RWDD2B: variants seen among roughly 807,000 people sequenced by gnomAD.
RWDD2B encodes RWD domain containing 2B, also known as RWD domain-containing protein 2B.
RWDD2B carries 36 observed loss-of-function variants against 33.6 expected under a neutral mutation model. The observed-to-expected ratio is 1.07, with a 90% CI of 0.82 to 1.42. RWDD2B has a LOEUF of 1.42. Ranked by LOEUF, RWDD2B falls within the 40% of genes most tolerant of loss-of-function variation. The pLI, the probability that RWDD2B is intolerant of heterozygous loss-of-function variation, is 0.00. For missense variants in RWDD2B, 364 were observed against 377.5 expected (o/e 0.96, Z 0.30); for synonymous variants, 126 against 133.1 (o/e 0.95, Z 0.37).
intron 1 of RWDD2B, among the ~76,000 whole-genome samples, chr21:29,013,485 C>G (rs977077021): frequency 1.3e-5 from 2 of 151,816 alleles, no homozygotes; most frequent in Non-Finnish European, 2.9e-5. Flanking sequence ...GTCAGGAGAT[C>G]CAGACCATCC....
Position 29,019,282 on chromosome 21 carries a change from A to G in RWDD2B, c.-5T>C. 1 of 1,599,938 alleles carries G rather than the reference A, an allele frequency of 6.3e-7. No individual in the cohort carries two copies. Among genetic ancestry groups the G allele is most frequent in the Non-Finnish European group, 8.5e-7 (1 of 1,173,564 alleles). Reference sequence around the variant, plus strand: ...CATGGACAGCTCAATTTTCATCAGAAGGGAGCCTCAAAATTCTAGCATACT... The same window carrying G: ...CATGGACAGCTCAATTTTCATCAGAGGGGAGCCTCAAAATTCTAGCATACT... On this transcript the variant is annotated 5_prime_UTR_variant, in exon 1 of 5. Coordinates refer to ENST00000493196, the MANE Select transcript of RWDD2B (RefSeq NM_016940.3).
chr21:29,008,320 A>C lies in RWDD2B; in HGVS notation c.295-13T>G. 6.2e-7 allele frequency: 1 copy of C among 1,613,990 alleles called. No individual in the cohort carries two copies. On this transcript the variant is annotated splice_polypyrimidine_tract_variant and intron_variant, in intron 2 of 4. Transcript: ENST00000493196. Reference sequence around the variant, plus strand: ...GAGAAAACATCGCCTGATTAAAGAGAAGAAGAAAAAGTGCACTAACCAATG... The same window carrying C: ...GAGAAAACATCGCCTGATTAAAGAGCAGAAGAAAAAGTGCACTAACCAATG...
At position 29,006,422 on chromosome 21, in the gene RWDD2B, G is replaced by T; in HGVS notation, c.955C>A (p.Gln319Lys). ...ACTTTCAACTACTCTTGATGTCATTGTCCTTCTACACCAAAGAACATCTGG... is the reference window on the plus strand; with the variant it reads ...ACTTTCAACTACTCTTGATGTCATTTTCCTTCTACACCAAAGAACATCTGG... ...VFQMFFGVEG[Q>K] The change falls in exon 5 of 5, where the codon CAA becomes AAA. Residue 319 changes from glutamine (Q) to lysine (K), a missense_variant. Transcript: ENST00000493196. The T allele has an allele frequency of 1.3e-6, 2 of 1,595,594 alleles. No homozygotes were observed. The highest frequency in any genetic ancestry group is 1.7e-6 in the Non-Finnish European group (2 of 1,169,298).
chr21:29,006,363 G>T lies in RWDD2B; in HGVS notation c.*54C>A. The T allele has an allele frequency of 2.6e-6, 3 of 1,171,608 alleles. No homozygotes were observed. Among genetic ancestry groups the T allele is most frequent in the East Asian group, 2.5e-5 (1 of 40,726 alleles). The allele number at this position is 1,171,608 out of a possible 1,614,324, so 72.6% of individuals were successfully genotyped here. A position where few individuals can be genotyped will look rare whatever the true frequency, so the allele number is the denominator to read the frequency against. ...TACTTAATCTTTCAAGAAAAAGTGG[G>T]AAAAAAAAATCAAAAGGCCAACAGT... On this transcript the variant is annotated 3_prime_UTR_variant, in exon 5 of 5. Transcript: ENST00000493196.
intron 1 of RWDD2B, among the ~76,000 whole-genome samples, chr21:29,016,821 C>T (rs1274590770): frequency 2.0e-5 from 3 of 152,138 alleles, no homozygotes; most frequent in Non-Finnish European, 4.4e-5. Flanking sequence ...AGGCAAGTGG[C>T]TTAATTTATC....
intron 1 of RWDD2B, among the ~76,000 whole-genome samples, chr21:29,009,249 G>A (rs538337120): frequency 1.3e-5 from 2 of 152,060 alleles, no homozygotes; most frequent in South Asian, 4.1e-4. Context: ...TGCCACGCCC[G>A]GCTTCATTTT....
rs1220307309 is a variant in RWDD2B at position 29,019,200 on chromosome 21, G to A, written c.67+11C>T. ...GCGGTCACCACTGGCGCTAGCTGAG[G>A]CGAGACTCACCTTGAGCCGTGGCCC... On this transcript the variant is annotated intron_variant, in intron 1 of 4. Transcript: ENST00000493196. 6.3e-7 allele frequency: 1 copy of A among 1,591,604 alleles called. No individual in the cohort carries two copies. Among genetic ancestry groups the A allele is most frequent in the Non-Finnish European group, 8.6e-7 (1 of 1,169,460 alleles).
chr21:29,009,930 CA>C (rs2084848453), intron 1 of RWDD2B, among the ~76,000 whole-genome samples: 1 of 152,076 alleles, frequency 6.6e-6, no homozygotes, highest in African/African-American at 2.4e-5. Flanking sequence ...CCCTCCCCAC[CA>C]AATATATTTT....
chr21:29,010,903 C>CCAACCTCGGTTG (rs1325101121), intron 1 of RWDD2B, among the ~76,000 whole-genome samples: 1 of 152,206 alleles, frequency 6.6e-6, no homozygotes, highest in Non-Finnish European at 1.5e-5. Context: ...CTCCTAACCG[C>CCAACCTCGGTTG]GAGTGATCCG....
chr21:29,011,190 T>C lies in RWDD2B; in HGVS notation c.68-2569A>G, dbSNP rs192042704. ...CCTAGTCTGGAAAGTGAGGAGCGTC[T>C]CTGCCCAGCCGCCCTGCCATCTAGG... On this transcript the variant is annotated intron_variant, in intron 1 of 4. Coordinates refer to ENST00000493196, the MANE Select transcript of RWDD2B (RefSeq NM_016940.3). 4.2e-4 allele frequency among the ~76,000 whole-genome samples: 63 copies of C among 149,078 alleles called. No individual in the cohort carries two copies. In the East Asian group the frequency reaches 0.011, roughly 26 times the overall value.
At chr21:29,013,726 GA>G (rs1452254466) in intron 1 of RWDD2B, among the ~76,000 whole-genome samples, 1 of 149,788 alleles carries the variant, frequency 6.7e-6, no homozygotes, top group Non-Finnish European at 1.5e-5. Flanking sequence ...GATTAATACA[GA>G]AAAAGACGAT....
rs953080470 is a variant in RWDD2B, at chr21:29,019,250, A to G, written c.28T>C (p.Trp10Arg). 3.1e-6 allele frequency: 5 copies of G among 1,606,002 alleles called. No individual in the cohort carries two copies. Among genetic ancestry groups the G allele is most frequent in the Non-Finnish European group, 4.2e-6 (5 of 1,176,924 alleles). Residue 10 changes from tryptophan to arginine, a missense_variant, in exon 1 of 5, where the codon TGG becomes CGG. Transcript: ENST00000493196. MKIELSMQP[W>R]NPGYSSEGAT... ...CCCTCACTGCTGTAACCCGGGTTCC[A>G]TGGCTGCATGGACAGCTCAATTTTC...
Position 29,005,933 on chromosome 21 carries a change from G to C in RWDD2B, c.*484C>G, listed in dbSNP as rs2084826321. On this transcript the variant is annotated 3_prime_UTR_variant, in exon 5 of 5. Coordinates refer to ENST00000493196, the MANE Select transcript of RWDD2B (RefSeq NM_016940.3). ...ACTTTGGTGTTTATGGCAGTAAGGG[G>C]GGGAGGAGGTGGCCTAGCTGCATAT... is the stretch of plus-strand genomic sequence containing the variant. The C allele has an allele frequency of 6.5e-6, 1 of 152,874 alleles. No homozygotes were observed. The highest frequency in any genetic ancestry group is 6.5e-5 in the Admixed American group (1 of 15,280). 9.5% of individuals were successfully genotyped at this position (152,874 alleles called of 1,614,324 possible).
chr21:29,010,336 G>A (rs2084850101), intron 1 of RWDD2B, among the ~76,000 whole-genome samples: 1 of 151,600 alleles, frequency 6.6e-6, no homozygotes, highest in Non-Finnish European at 1.5e-5. Context: ...GCCTAGCACG[G>A]TGGCTCACAC....
intron 2 of RWDD2B, 31 bp downstream of exon 2, chr21:29,008,364 T>C (rs765399502): frequency 5.6e-6 from 9 of 1,612,482 alleles, no homozygotes; most frequent in African/African-American, 1.3e-5. Context: ...CTCAACATGT[T>C]TCAATCCCTC....
chr21:29,019,146 TG>T, intron 1 of RWDD2B, 64 bp downstream of exon 1: 1 of 1,348,290 alleles, frequency 7.4e-7, no homozygotes, highest in Non-Finnish European at 1.0e-6. Flanking sequence ...AGGGTTGCAC[TG>T]GGCGCTGCAG....
At position 29,007,726 on chromosome 21, in the gene RWDD2B, T is replaced by A. The variant is rs563363808; in HGVS notation, c.725+35A>T. On this transcript the variant is annotated intron_variant, in intron 4 of 4. Transcript: ENST00000493196. ...TGTATCTTGTTTAGTATTAACATTA[T>A]TGACATGACTTCATATACATATGTA... 2.5e-6 allele frequency: 4 copies of A among 1,583,190 alleles called. No individual in the cohort carries two copies. The East Asian group carries it at 8.9e-5, about 35-fold the overall frequency.
intron 1 of RWDD2B, among the ~76,000 whole-genome samples, chr21:29,015,888 T>C (rs1268171922): frequency 6.6e-6 from 1 of 152,176 alleles, no homozygotes; most frequent in Admixed American, 6.6e-5. Context: ...CGAGAGACTA[T>C]ATGGGCACAA....
Position 29,008,640 on chromosome 21 carries a change from G to T in RWDD2B, c.68-19C>A. ...TAAGTTTCTAAGGAGGTAAAGATAA[G>T]AGAGACAATTTACATATGCAATCTT... On this transcript the variant is annotated intron_variant, in intron 1 of 4. Transcript: ENST00000493196. 1 of 1,543,640 alleles carries T rather than the reference G, an allele frequency of 6.5e-7. No homozygotes were observed. Among genetic ancestry groups the T allele is most frequent in the Non-Finnish European group, 8.9e-7 (1 of 1,124,576 alleles).
Sources: allele counts gnomAD v4.1 joint callset (sites outside exome capture counted in the v4.1 genomes callset), GRCh38; gene constraint gnomAD v4.1.1; transcripts MANE v1.5; gene names NCBI Gene and HGNC (gene_info 2026-07-23, HGNC 2026-07-21).